CIMIP2A: variants seen among roughly 807,000 people sequenced by gnomAD.
CIMIP2A encodes family with sequence similarity 166 member A.
chr9:137,252,790 G>C, the CIMIP2A span: 1 of 1,562,660 alleles, frequency 6.4e-7, no homozygotes, highest in South Asian at 1.2e-5. Flanking sequence ...GGGCTAGGGG[G>C]CTGGGCCTCA....
the CIMIP2A span, chr9:137,244,202 G>C: frequency 6.2e-7 from 1 of 1,613,916 alleles, no homozygotes; most frequent in African/African-American, 1.3e-5. Context: ...AGGGGATCAG[G>C]CCTTGGCTGC....
At chr9:137,252,980 A>T in the CIMIP2A span, 3 of 1,584,146 alleles carry the variant, frequency 1.9e-6, no homozygotes, top group South Asian at 3.4e-5. Flanking sequence ...GGAGGCCTGG[A>T]GAGAAGAGGG....
chr9:137,244,632 G>A, the CIMIP2A span: 11 of 1,613,326 alleles, frequency 6.8e-6, no homozygotes, highest in East Asian at 2.2e-5. Context: ...CCTGGATGGC[G>A]CTTTCCTACC....
chr9:137,246,025 C>T, the CIMIP2A span, among the ~76,000 whole-genome samples: 2 of 152,236 alleles, frequency 1.3e-5, no homozygotes, highest in African/African-American at 2.4e-5. Context: ...GTGGCACTTG[C>T]CTTCTAGAGC....
chr9:137,248,402 G>A, the CIMIP2A span, among the ~76,000 whole-genome samples: 1 of 151,970 alleles, frequency 6.6e-6, no homozygotes, highest in African/African-American at 2.4e-5. Context: ...AATTAGCCAG[G>A]TGCGGTGGCG....
the CIMIP2A span, chr9:137,245,953 T>G: frequency 9.9e-7 from 1 of 1,010,800 alleles, no homozygotes; most frequent in Non-Finnish European, 1.4e-6. Context: ...TGCTGGCCAC[T>G]TAGCAGCAGG....
chr9:137,250,108 C>T, the CIMIP2A span: 1 of 152,280 alleles, frequency 6.6e-6, no homozygotes, highest in African/African-American at 2.4e-5. Context: ...AACAACCCCC[C>T]TCCCTCAACA....
At chr9:137,251,943 G>C in the CIMIP2A span, 1 of 1,595,912 alleles carries the variant, frequency 6.3e-7, no homozygotes, top group Non-Finnish European at 8.5e-7. Context: ...TCTTTGGGGG[G>C]CTGTGGGAGG....
At chr9:137,251,915 A>G in the CIMIP2A span, 4 of 1,601,056 alleles carry the variant, frequency 2.5e-6, no homozygotes, top group Non-Finnish European at 3.4e-6. Flanking sequence ...GGTCCTGGCC[A>G]CCCCACCCCC....
At chr9:137,254,890 G>T in the CIMIP2A span, among the ~76,000 whole-genome samples, 7 of 152,242 alleles carry the variant, frequency 4.6e-5, no homozygotes, top group African/African-American at 1.7e-4. Flanking sequence ...TTTGGCGACA[G>T]CGCCGGGGTG....
At chr9:137,247,446 A>G in the CIMIP2A span, among the ~76,000 whole-genome samples, 1 of 152,220 alleles carries the variant, frequency 6.6e-6, no homozygotes, top group Admixed American at 6.5e-5. Flanking sequence ...ACCAGCAGGG[A>G]GGGTGAGGCC....
the CIMIP2A span, among the ~76,000 whole-genome samples, chr9:137,248,173 C>T: frequency 2.6e-5 from 4 of 152,158 alleles, no homozygotes; most frequent in Admixed American, 6.5e-5. Flanking sequence ...CTTCATGTGG[C>T]GCAGGGTGTT....
chr9:137,245,402 T>C, the CIMIP2A span: 37 of 1,613,632 alleles, frequency 2.3e-5, 1 homozygote, highest in African/African-American at 4.8e-4. Flanking sequence ...TCTCCCTTCC[T>C]GCCTGGTGGG....
At chr9:137,243,701 C>G in the CIMIP2A span, 1 of 1,614,154 alleles carries the variant, frequency 6.2e-7, no homozygotes, top group African/African-American at 1.3e-5. Context: ...AAAGCATTTT[C>G]ATAGTGTGTG....
chr9:137,253,224 AG>A, the CIMIP2A span: 1 of 1,608,366 alleles, frequency 6.2e-7, no homozygotes, highest in Non-Finnish European at 8.5e-7. Context: ...GCCACGACAC[AG>A]GCCCCTTCTG....
At chr9:137,249,461 GC>G in the CIMIP2A span, among the ~76,000 whole-genome samples, 1 of 152,176 alleles carries the variant, frequency 6.6e-6, no homozygotes, top group African/African-American at 2.4e-5. Context: ...TATTCCCATA[GC>G]CCTTGGTAGG....
the CIMIP2A span, chr9:137,252,994 G>C: frequency 7.0e-6 from 11 of 1,573,980 alleles, no homozygotes; most frequent in Non-Finnish European, 7.8e-6. Flanking sequence ...AAGAGGGCTA[G>C]GGATGGGGCA....
chr9:137,252,823 T>C, the CIMIP2A span: 16 of 1,568,664 alleles, frequency 1.0e-5, no homozygotes, highest in Non-Finnish European at 1.4e-5. Context: ...AGTCCCTGCT[T>C]CAGGCCTCTT....
At chr9:137,247,521 A>G in the CIMIP2A span, 1 of 769,136 alleles carries the variant, frequency 1.3e-6, no homozygotes, top group Non-Finnish European at 2.1e-6. Flanking sequence ...CACAGACTGC[A>G]GTGCCCCGTG....
Sources: gnomAD v4.1 joint callset for allele counts (sites outside exome capture counted in the v4.1 genomes callset) on GRCh38, gnomAD v4.1.1 for gene constraint, MANE v1.5 for transcripts, NCBI Gene and HGNC (gene_info 2026-07-23, HGNC 2026-07-21) for gene names.